The following PTPRK variants were observed in gnomAD, a reference collection of about 807,000 sequenced individuals.
PTPRK encodes protein tyrosine phosphatase receptor type K.
A neutral mutation model predicts 178.0 loss-of-function variants in PTPRK; 75 were observed. That is an observed-to-expected ratio of 0.42 (90% confidence interval 0.35 to 0.51). The LOEUF (loss-of-function observed/expected upper bound fraction) is 0.51, where lower values mean the gene tolerates loss of function less well. Ranked by LOEUF, PTPRK falls within the 20% of genes least tolerant of loss-of-function variation. The pLI, the probability that PTPRK is intolerant of heterozygous loss-of-function variation, is 0.02. For missense variants in PTPRK, 1,441 were observed against 1,797.8 expected (o/e 0.80, Z 3.59); for synonymous variants, 637 against 620.6 (o/e 1.03, Z -0.39).
chr6:128,476,501 C>A (rs1851391657), intron 1 of PTPRK, among the ~76,000 whole-genome samples: 1 of 151,844 alleles, frequency 6.6e-6, no homozygotes, highest in South Asian at 2.1e-4. Flanking sequence ...GTCAACCAAT[C>A]CAAAAATATG....
chr6:128,054,330 G>T (rs1779547189), intron 13 of PTPRK, among the ~76,000 whole-genome samples: 1 of 152,064 alleles, frequency 6.6e-6, no homozygotes, highest in Admixed American at 6.5e-5. Context: ...TCTTCTCTTA[G>T]CTTCTCCACC....
chr6:128,274,454 T>C lies in PTPRK; in HGVS notation c.496-31852A>G, dbSNP rs551387957. On this transcript the variant is annotated intron_variant, in intron 3 of 29. Coordinates refer to ENST00000368226, the MANE Select transcript of PTPRK (RefSeq NM_002844.4). ...CTTAGTAATTATTAAAAACATACTG[T>C]GAAAATACTATTGAGGGCATTTTAA... Among the ~76,000 whole-genome samples, 60 of 152,192 alleles carry C rather than the reference T, an allele frequency of 3.9e-4. 1 individual carries two copies. In the South Asian group the frequency reaches 0.012, roughly 31 times the overall value.
At chr6:128,402,168 C>T (rs929794476) in intron 1 of PTPRK, among the ~76,000 whole-genome samples, 83 of 152,246 alleles carry the variant, frequency 5.5e-4, no homozygotes, top group African/African-American at 1.8e-3. Context: ...ATCTTAAATG[C>T]AGTTCTATTG....
chr6:128,091,755 A>C (rs1786995742), intron 7 of PTPRK, among the ~76,000 whole-genome samples: 1 of 152,068 alleles, frequency 6.6e-6, no homozygotes, highest in Non-Finnish European at 1.5e-5. Flanking sequence ...CCTCATTTTA[A>C]ATCTGACATT....
At chr6:128,059,543 C>T (rs1780471963) in intron 13 of PTPRK, among the ~76,000 whole-genome samples, 1 of 152,014 alleles carries the variant, frequency 6.6e-6, no homozygotes, top group South Asian at 2.1e-4. Context: ...TTATGTTTTT[C>T]CAGTCTCTTC....
chr6:128,278,440 G>A (rs966804080), intron 3 of PTPRK, among the ~76,000 whole-genome samples: 2 of 152,130 alleles, frequency 1.3e-5, no homozygotes, highest in African/African-American at 4.8e-5. Context: ...ACAGGCGTGA[G>A]CCACTGCACC....
At chr6:128,301,129 C>A (rs1327687502) in intron 3 of PTPRK, among the ~76,000 whole-genome samples, 2 of 152,132 alleles carry the variant, frequency 1.3e-5, no homozygotes, top group African/African-American at 2.4e-5. Flanking sequence ...AAAAATATTT[C>A]TTGAATAAAC....
At chr6:128,064,833 C>G in intron 12 of PTPRK, 39 bp from the exon 13 acceptor site, 3 of 1,540,340 alleles carry the variant, frequency 1.9e-6, no homozygotes, top group South Asian at 2.5e-5. Flanking sequence ...AGTCAATGTA[C>G]AGATAATGTT....
intron 6 of PTPRK, among the ~76,000 whole-genome samples, chr6:128,212,364 A>G (rs1218611328): frequency 6.6e-6 from 1 of 152,060 alleles, no homozygotes; most frequent in Non-Finnish European, 1.5e-5. Flanking sequence ...AGAAAGACTA[A>G]AAAATCTTAG....
intron 3 of PTPRK, chr6:128,321,825 C>T: frequency 1.4e-6 from 1 of 724,904 alleles, no homozygotes; most frequent in South Asian, 1.5e-5. Flanking sequence ...CCAAACACTT[C>T]CTCATCAACA....
At chr6:128,112,836 C>T (rs574453896) in intron 7 of PTPRK, among the ~76,000 whole-genome samples, 2 of 152,160 alleles carry the variant, frequency 1.3e-5, no homozygotes, top group South Asian at 4.1e-4. Context: ...TTAGAATAGC[C>T]TGGTTAACTG....
rs540405671 is a variant in PTPRK at position 128,354,083 on chromosome 6, G to A, written c.224-31773C>T. ...TGAATTTAAAAATTAAGAGTAGTTT[G>A]AATAATGCTACCCTTGTTTTCTTGG... On this transcript the variant is annotated intron_variant, in intron 2 of 29. Transcript: ENST00000368226. Among the ~76,000 whole-genome samples, 6 of 152,008 alleles carry A rather than the reference G, an allele frequency of 3.9e-5. No individual in the cohort carries two copies. In the South Asian group the frequency reaches 1.2e-3, roughly 32 times the overall value.
chr6:127,999,805 T>C, intron 15 of PTPRK: 1 of 270,308 alleles, frequency 3.7e-6, no homozygotes, highest in Non-Finnish European at 5.7e-6. Context: ...CTATTCCTAG[T>C]GCCTGATGCA....
intron 15 of PTPRK, among the ~76,000 whole-genome samples, chr6:128,004,057 A>T (rs892189655): frequency 1.3e-5 from 2 of 151,878 alleles, no homozygotes; most frequent in Non-Finnish European, 2.9e-5. Context: ...TACAACCTAC[A>T]AATACTTTGT....
rs569048674 is a variant in PTPRK, at chr6:128,379,677, A to T, written c.223+17889T>A. Among the ~76,000 whole-genome samples the T allele has an allele frequency of 3.9e-4, 59 of 152,278 alleles. 1 individual carries two copies. The highest frequency in any genetic ancestry group is 6.5e-4 in the Non-Finnish European group (44 of 67,984). ...CATAAGGTATTGAAGAAAAGGAACA[A>T]TTTTTTATATTTCCAAAAACAGCAA... On this transcript the variant is annotated intron_variant, in intron 2 of 29. Transcript: ENST00000368226.
rs114005079 is a variant in PTPRK at position 128,425,544 on chromosome 6, T to C, written c.101-27856A>G. ...TCCTGAGTTACTTCACTTAGAATAA[T>C]AGTCCCCAATTCCATCTACTCCTTT... On this transcript the variant is annotated intron_variant, in intron 1 of 29. Transcript: ENST00000368226. Among the ~76,000 whole-genome samples, 603 of 152,284 alleles carry C rather than the reference T, an allele frequency of 4.0e-3. 4 individuals are homozygous for C. Among genetic ancestry groups the C allele is most frequent in the African/African-American group, 0.014 (581 of 41,566 alleles).
chr6:128,039,963 G>T (rs1310837212), intron 13 of PTPRK, among the ~76,000 whole-genome samples: 1 of 152,160 alleles, frequency 6.6e-6, no homozygotes, highest in Non-Finnish European at 1.5e-5. Context: ...TCAAGGGATG[G>T]TTGTTGTTAC....
chr6:128,147,107 T>C (rs1796608513), intron 7 of PTPRK, among the ~76,000 whole-genome samples: 1 of 151,446 alleles, frequency 6.6e-6, no homozygotes, highest in Non-Finnish European at 1.5e-5. Context: ...CATTCATTTC[T>C]AACTGTGTTC....
intron 6 of PTPRK, among the ~76,000 whole-genome samples, chr6:128,200,021 ACATAAAGG>A (rs1303089071): frequency 1.3e-5 from 2 of 152,204 alleles, no homozygotes; most frequent in African/African-American, 4.8e-5. Context: ...TGATTATACC[ACATAAAGG>A]CATCAAGTAA....
Sources: gnomAD v4.1 joint callset for allele counts (sites outside exome capture counted in the v4.1 genomes callset) on GRCh38, gnomAD v4.1.1 for gene constraint, MANE v1.5 for transcripts, NCBI Gene and HGNC (gene_info 2026-07-23, HGNC 2026-07-21) for gene names.